The following ACAD9 variants were observed in gnomAD, a reference collection of about 807,000 sequenced individuals.
The protein encoded by ACAD9 is complex I assembly factor ACAD9, mitochondrial.
ACAD9 carries 53 observed loss-of-function variants against 70.2 expected under a neutral mutation model. The observed-to-expected ratio is 0.75, with a 90% CI of 0.61 to 0.95. ACAD9 has a LOEUF of 0.95. Among genes scored for constraint, ACAD9 ranks in the 40% least tolerant of loss-of-function variants. The pLI, the probability that ACAD9 is intolerant of heterozygous loss-of-function variation, is 0.00. For missense variants in ACAD9, 777 were observed against 802.8 expected (o/e 0.97, Z 0.39); for synonymous variants, 313 against 312.1 (o/e 1.00, Z -0.03).
At chr3:128,889,874 T>G (rs1482342220) in intron 2 of ACAD9, among the ~76,000 whole-genome samples, 1 of 152,136 alleles carries the variant, frequency 6.6e-6, no homozygotes, top group Non-Finnish European at 1.5e-5. Context: ...TGGGCTGGAG[T>G]GCAGTGGTGT....
Position 128,896,417 on chromosome 3 carries a change from C to T in ACAD9, c.454-19C>T, listed in dbSNP as rs145442792. 3.7e-6 allele frequency: 6 copies of T among 1,611,314 alleles called. No homozygotes were observed. The highest frequency in any genetic ancestry group is 5.1e-6 in the Non-Finnish European group (6 of 1,177,456). ...CTTTCTCCCCACAGCTGACATTAGT[C>T]TGTGTCTGTTTTGTTTAGGGGATCA... On this transcript the variant is annotated intron_variant, in intron 4 of 17. Transcript: ENST00000308982.
intron 13 of ACAD9, chr3:128,908,648 C>T (rs902239705): frequency 1.9e-6 from 1 of 538,770 alleles, no homozygotes; most frequent in South Asian, 2.0e-5. Flanking sequence ...CCTCCACCCC[C>T]ACCCTAGGGG....
Position 128,884,666 on chromosome 3 carries a change from C to G in ACAD9, c.164C>G (p.Pro55Arg). Residue 55 changes from proline (P) to arginine (R), a missense_variant, in exon 2 of 18, where the codon CCA (proline) becomes CGA (arginine). Physicochemically the swap from Pro to Arg is moderately radical, Grantham distance 103 (BLOSUM62 -2). Coordinates refer to ENST00000308982, the MANE Select transcript of ACAD9 (RefSeq NM_014049.5). The stretch of plus-strand genomic sequence containing the variant: ...TACTATTTTTAGAAAGAAGTTTTCC[C>G]ATTTCCAGAAGTTAGCCAAGATGAA... ...LGKIKKKEVF[P>R]FPEVSQDELN... 6 of 1,610,734 alleles carry G rather than the reference C, an allele frequency of 3.7e-6. No individual in the cohort carries two copies. Among genetic ancestry groups the G allele is most frequent in the Non-Finnish European group, 5.1e-6 (6 of 1,178,738 alleles).
chr3:128,910,205 C>T (rs1936112142), intron 16 of ACAD9, 56 bp downstream of exon 16: 1 of 1,611,232 alleles, frequency 6.2e-7, no homozygotes, highest in South Asian at 1.1e-5. Context: ...TCCTGCTGCA[C>T]TTTAATGAAG....
chr3:128,899,177 A>C, intron 6 of ACAD9, 110 bp from the exon 7 acceptor site: 1 of 1,150,390 alleles, frequency 8.7e-7, no homozygotes. Flanking sequence ...AGGACCCTGC[A>C]TGTCTGGCCT....
At chr3:128,911,117 C>T (rs186475784) in intron 17 of ACAD9, among the ~76,000 whole-genome samples, 37 of 152,322 alleles carry the variant, frequency 2.4e-4, no homozygotes, top group Middle Eastern at 3.4e-3. Flanking sequence ...AGTGTAATGG[C>T]GCAGTCTTGG....
At chr3:128,903,741 T>C (rs1935810184) in intron 9 of ACAD9, among the ~76,000 whole-genome samples, 1 of 152,198 alleles carries the variant, frequency 6.6e-6, no homozygotes, top group South Asian at 2.1e-4. Context: ...CCTGGTTGCA[T>C]CTTCACAGCG....
Position 128,906,185 on chromosome 3 carries a change from GCTACA to G in ACAD9, c.1216_1220del (p.Tyr406LysfsTer11). 1 of 1,614,224 alleles carries G rather than the reference GCTACA, an allele frequency of 6.2e-7. No individual in the cohort carries two copies. Among genetic ancestry groups the G allele is most frequent in the Non-Finnish European group, 8.5e-7 (1 of 1,180,042 alleles). Reference sequence around the variant, plus strand: ...GCGCTGCAGATCCTCGGGGGCTTGGGCTACACAAGGGACTATCCGTACGAGCGCAT... The same window carrying G: ...GCGCTGCAGATCCTCGGGGGCTTGGGCAAGGGACTATCCGTACGAGCGCAT... On this transcript the variant is annotated frameshift_variant, in exon 12 of 18. Coordinates refer to ENST00000308982, the MANE Select transcript of ACAD9 (RefSeq NM_014049.5). LOFTEE classifies it high-confidence loss of function.
In ACAD9 at chr3:128,899,322, T is replaced by C. The variant is rs774422640; in HGVS notation, c.669T>C (p.Phe223=). ...CTAATGGAGGACTGGCCAATATTTTTACTGTGTTTGCAAAGACTGAGGTCG... is the reference window on the plus strand; with the variant it reads ...CTAATGGAGGACTGGCCAATATTTTCACTGTGTTTGCAAAGACTGAGGTCG... ...WITNGGLANI[F]TVFAKTEVVD... is the part of the protein sequence containing the mutation. The change falls in exon 7 of 18, where the codon TTT becomes TTC. Residue 223 remains phenylalanine (F), a synonymous_variant. Transcript: ENST00000308982. 4.3e-6 allele frequency: 7 copies of C among 1,614,254 alleles called. No individual in the cohort carries two copies. The highest frequency in any genetic ancestry group is 1.6e-4 in the Middle Eastern group (1 of 6,062).
At position 128,884,677 on chromosome 3, in the gene ACAD9, G is replaced by C; in HGVS notation, c.175G>C (p.Val59Leu). The change falls in exon 2 of 18, where the codon GTT becomes CTT. Residue 59 changes from valine (V) to leucine (L), a missense_variant. Coordinates refer to ENST00000308982, the MANE Select transcript of ACAD9 (RefSeq NM_014049.5). ...KKKEVFPFPE[V>L]SQDELNEINQ... ...GAAAGAAGTTTTCCCATTTCCAGAAGTTAGCCAAGATGAACTTAATGAAAT... is the reference window on the plus strand; with the variant it reads ...GAAAGAAGTTTTCCCATTTCCAGAACTTAGCCAAGATGAACTTAATGAAAT... 1 of 1,612,332 alleles carries C rather than the reference G, an allele frequency of 6.2e-7. No individual in the cohort carries two copies. The highest frequency in any genetic ancestry group is 8.5e-7 in the Non-Finnish European group (1 of 1,179,608).
intron 17 of ACAD9, 48 bp downstream of exon 17, chr3:128,910,861 C>T (rs1936218637): frequency 6.3e-7 from 1 of 1,594,826 alleles, no homozygotes; most frequent in Non-Finnish European, 8.6e-7. Flanking sequence ...ACTTCTAGGC[C>T]CCTATTGATG....
At chr3:128,903,216 CG>C (rs1490065918) in intron 9 of ACAD9, among the ~76,000 whole-genome samples, 1 of 152,198 alleles carries the variant, frequency 6.6e-6, no homozygotes, top group Non-Finnish European at 1.5e-5. Context: ...TGGGGGTACC[CG>C]GGGCAGCACA....
chr3:128,905,014 C>T (rs547833227), intron 11 of ACAD9, among the ~76,000 whole-genome samples: 13 of 152,090 alleles, frequency 8.5e-5, no homozygotes, highest in African/African-American at 2.7e-4. Context: ...GGCATAGTGG[C>T]GGGCACCTGT....
Position 128,906,356 on chromosome 3 carries a change from G to A in ACAD9, c.1278+107G>A, listed in dbSNP as rs7652449. ...GGCCCCCGCAGCCCAGGGCTGGGTCGCATGCTCTCAGGGGCTCTCCTAGCC... is the reference window on the plus strand; with the variant it reads ...GGCCCCCGCAGCCCAGGGCTGGGTCACATGCTCTCAGGGGCTCTCCTAGCC... On this transcript the variant is annotated intron_variant, in intron 12 of 17. Coordinates refer to ENST00000308982, the MANE Select transcript of ACAD9 (RefSeq NM_014049.5). The A allele has an allele frequency of 0.023, 35,772 of 1,541,888 alleles. 1,341 individuals carry two copies. Among genetic ancestry groups the A allele is most frequent in the African/African-American group, 0.12 (8,736 of 72,986 alleles).
rs370236597 is a variant in ACAD9 at position 128,902,572 on chromosome 3, A to G, written c.902A>G (p.Asn301Ser). The change falls in exon 9 of 18, where the codon AAC (asparagine) becomes AGC (serine). Residue 301 changes from asparagine to serine, a missense_variant. Coordinates refer to ENST00000308982, the MANE Select transcript of ACAD9 (RefSeq NM_014049.5). The surrounding 1 kb of genome is among the most constrained non-coding windows in gnomAD (Gnocchi z 4.0). ...DGFKVAMNIL[N>S]SGRFSMGSVV... ...CTGCAGGTGGCCATGAACATCCTCA[A>G]CAGCGGCCGGTTCAGCATGGGCAGC... The G allele has an allele frequency of 7.3e-5, 118 of 1,614,026 alleles. No individual in the cohort carries two copies. Among genetic ancestry groups the G allele is most frequent in the Admixed American group, 1.3e-4 (8 of 60,006 alleles).
At chr3:128,895,202 T>C in intron 3 of ACAD9, 108 bp from the exon 4 acceptor site, 1 of 849,560 alleles carries the variant, frequency 1.2e-6, no homozygotes, top group Non-Finnish European at 1.9e-6. Flanking sequence ...TTTTTTAATA[T>C]GGTGATCTGG....
chr3:128,883,282 A>G (rs559925496), intron 1 of ACAD9, among the ~76,000 whole-genome samples: 4 of 151,302 alleles, frequency 2.6e-5, no homozygotes, highest in East Asian at 2.0e-4. Flanking sequence ...GCTTTAAGCA[A>G]TCCCCCTGCG....
At chr3:128,906,498 G>C (rs1318833816) in intron 12 of ACAD9, among the ~76,000 whole-genome samples, 1 of 152,204 alleles carries the variant, frequency 6.6e-6, no homozygotes, top group Non-Finnish European at 1.5e-5. Flanking sequence ...GATGACTTCG[G>C]ATGCTGTGTT....
rs936842682 is a variant in ACAD9 at position 128,879,800 on chromosome 3, C to T, written c.109C>T (p.Arg37Ter). The T allele has an allele frequency of 6.2e-7, 1 of 1,613,944 alleles. No homozygotes were observed. The highest frequency in any genetic ancestry group is 1.3e-5 in the African/African-American group (1 of 74,914). The change falls in exon 1 of 18, where the codon CGA (arginine) becomes TGA (stop). Residue 37 changes from arginine to a stop codon, truncating the protein, a stop_gained. Coordinates refer to ENST00000308982, the MANE Select transcript of ACAD9 (RefSeq NM_014049.5). LOFTEE classifies it high-confidence loss of function. ...RRLLRTSPPV[R>*]AFAKELFLGK... ...GCTACTGCGCACCAGCCCGCCTGTA[C>T]GAGCTTTCGCCAAAGAGCTTTTCCT...
Sources: gnomAD v4.1 joint callset for allele counts (sites outside exome capture counted in the v4.1 genomes callset) on GRCh38, gnomAD v4.1.1 for gene constraint, Gnocchi (gnomAD v3.1) non-coding constraint, MANE v1.5 for transcripts, NCBI Gene and HGNC (gene_info 2026-07-23, HGNC 2026-07-21) for gene names.